The following FTO variants were observed in gnomAD, a reference collection of about 807,000 sequenced individuals.
FTO encodes the protein alpha-ketoglutarate-dependent dioxygenase FTO.
In FTO, 47 loss-of-function variants were observed where a neutral mutation model predicts 63.9. The ratio of observed to expected loss-of-function variants is 0.74; its 90% confidence interval spans 0.58 to 0.94. The LOEUF (loss-of-function observed/expected upper bound fraction) is 0.94. Among genes scored for constraint, FTO ranks in the 40% least tolerant of loss-of-function variants. The pLI, the probability that FTO is intolerant of heterozygous loss-of-function variation, is 0.00. For synonymous variants in FTO, 207 were observed against 224.4 expected, an observed-to-expected ratio of 0.92 and a Z score of 0.69; for missense variants, 562 against 618.1, an observed-to-expected ratio of 0.91 and a Z score of 0.96.
rs368056595 is a variant in FTO, at chr16:53,766,764, CATT to C, written c.46-43375_46-43373del. Among the ~76,000 whole-genome samples the C allele has an allele frequency of 2.7e-3, 405 of 152,252 alleles. 2 individuals are homozygous for C. The highest frequency in any genetic ancestry group is 9.0e-3 in the African/African-American group (374 of 41,548). ...CCTTAGAACTCTTCTTTTCATGAAT[CATT>C]GTTGTTCTTTAGGTTGTAATGAAGT... On this transcript the variant is annotated intron_variant, in intron 1 of 8. Coordinates refer to ENST00000471389, the MANE Select transcript of FTO (RefSeq NM_001080432.3).
At chr16:54,097,178 A>G (rs2086533747) in intron 8 of FTO, among the ~76,000 whole-genome samples, 1 of 152,184 alleles carries the variant, frequency 6.6e-6, no homozygotes, top group South Asian at 2.1e-4. Flanking sequence ...CTCATTGTAC[A>G]GATCTAAGTA....
chr16:53,939,761 T>A (rs1228598730), intron 8 of FTO, among the ~76,000 whole-genome samples: 1 of 152,262 alleles, frequency 6.6e-6, no homozygotes, highest in African/African-American at 2.4e-5. Context: ...ATACTGATTG[T>A]AGGATGCATC....
chr16:54,040,418 T>C (rs538082880), intron 8 of FTO: 1 of 152,352 alleles, frequency 6.6e-6, no homozygotes, highest in African/African-American at 2.4e-5. Context: ...AATGTAAATA[T>C]GCAACTTTTA....
intron 8 of FTO, among the ~76,000 whole-genome samples, chr16:53,945,048 C>T (rs1397462684): frequency 3.3e-5 from 5 of 152,162 alleles, no homozygotes; most frequent in African/African-American, 1.2e-4. Context: ...TCATTAGTGA[C>T]TATAGGACTC....
At chr16:53,799,339 C>T (rs574014166) in intron 1 of FTO, among the ~76,000 whole-genome samples, 157 of 152,214 alleles carry the variant, frequency 1.0e-3, no homozygotes, top group Non-Finnish European at 1.7e-3. Context: ...TTTTGAAATA[C>T]AAATTCAATT....
intron 4 of FTO, among the ~76,000 whole-genome samples, chr16:53,863,010 A>G (rs2080219279): frequency 1.3e-5 from 2 of 152,156 alleles, no homozygotes; most frequent in Non-Finnish European, 2.9e-5. Context: ...TTTCTGCAGC[A>G]TGTTTTCTGC....
At chr16:53,909,215 C>A (rs2081617772) in intron 7 of FTO, among the ~76,000 whole-genome samples, 1 of 152,186 alleles carries the variant, frequency 6.6e-6, no homozygotes, top group Admixed American at 6.5e-5. Context: ...TCAGTCCAGT[C>A]TAACAAACTG....
chr16:53,715,108 C>T (rs2075864214), intron 1 of FTO, among the ~76,000 whole-genome samples: 1 of 152,176 alleles, frequency 6.6e-6, no homozygotes, highest in African/African-American at 2.4e-5. Context: ...TGACTGTCTA[C>T]TTACTATTGA....
intron 1 of FTO, among the ~76,000 whole-genome samples, chr16:53,717,142 A>G (rs927568647): frequency 6.6e-6 from 1 of 151,862 alleles, no homozygotes; most frequent in Admixed American, 6.6e-5. Flanking sequence ...GGAATGTTTC[A>G]TAGGGTAAAT....
intron 8 of FTO, among the ~76,000 whole-genome samples, chr16:54,077,689 C>T (rs2086036874): frequency 6.6e-6 from 1 of 152,088 alleles, no homozygotes; most frequent in African/African-American, 2.4e-5. Flanking sequence ...TCAGAGAAAT[C>T]ATCAAATGCA....
At chr16:53,980,924 G>T (rs1438761883) in intron 8 of FTO, among the ~76,000 whole-genome samples, 1 of 152,148 alleles carries the variant, frequency 6.6e-6, no homozygotes, top group Non-Finnish European at 1.5e-5. Flanking sequence ...AATTCCAACA[G>T]ATTCATATTA....
rs547320044 is a variant in FTO, at chr16:54,066,798, C to T, written c.1365-44964C>T. Among the ~76,000 whole-genome samples, 6 of 152,334 alleles carry T rather than the reference C, an allele frequency of 3.9e-5. No homozygotes were observed. The East Asian group carries it at 9.7e-4, about 25-fold the overall frequency. On this transcript the variant is annotated intron_variant, in intron 8 of 8. Coordinates refer to ENST00000471389, the MANE Select transcript of FTO (RefSeq NM_001080432.3). ...TGTCCCTGCCAGTGGGGACAGAGAG[C>T]AAAAGCAACGGGACAAACATTGAAG...
At chr16:53,813,286 A>C (rs901731978) in intron 2 of FTO, among the ~76,000 whole-genome samples, 1 of 151,066 alleles carries the variant, frequency 6.6e-6, no homozygotes, top group East Asian at 1.9e-4. Flanking sequence ...ATATCAGCTC[A>C]CTGCAACCTC....
intron 1 of FTO, among the ~76,000 whole-genome samples, chr16:53,718,865 G>A (rs536538390): frequency 5.8e-4 from 88 of 152,236 alleles, no homozygotes; most frequent in African/African-American, 2.1e-3. Flanking sequence ...ATTTCAATTA[G>A]GAAAGTAAGA....
chr16:53,853,739 G>A (rs1415780681), intron 4 of FTO, among the ~76,000 whole-genome samples: 1 of 152,074 alleles, frequency 6.6e-6, no homozygotes, highest in Non-Finnish European at 1.5e-5. Flanking sequence ...TGGGCACTTT[G>A]GTTGATTCCA....
At chr16:54,032,874 T>C (rs1366979874) in intron 8 of FTO, among the ~76,000 whole-genome samples, 2 of 151,982 alleles carry the variant, frequency 1.3e-5, no homozygotes, top group Non-Finnish European at 2.9e-5. Flanking sequence ...TCACAAAATC[T>C]GGTTGTTTAA....
chr16:53,824,112 C>A (rs11075996), intron 2 of FTO, among the ~76,000 whole-genome samples: 1 of 151,964 alleles, frequency 6.6e-6, no homozygotes, highest in Non-Finnish European at 1.5e-5. Context: ...TAACTAAGAG[C>A]GATTGTATAA....
chr16:54,009,083 C>T (rs915363679), intron 8 of FTO, among the ~76,000 whole-genome samples: 5 of 151,908 alleles, frequency 3.3e-5, no homozygotes, highest in African/African-American at 1.2e-4. Flanking sequence ...AATGGGATTG[C>T]AAACTCTTTG....
At chr16:53,821,847 C>T (rs780997988) in intron 2 of FTO, among the ~76,000 whole-genome samples, 2 of 152,176 alleles carry the variant, frequency 1.3e-5, no homozygotes, top group Non-Finnish European at 2.9e-5. Context: ...CTCAGTGGCT[C>T]CACACAATAA....
Sources: allele counts gnomAD v4.1 joint callset (sites outside exome capture counted in the v4.1 genomes callset), GRCh38; gene constraint gnomAD v4.1.1; transcripts MANE v1.5; gene names NCBI Gene and HGNC (gene_info 2026-07-23, HGNC 2026-07-21).